ZFHX3: variants seen among roughly 807,000 people sequenced by gnomAD.
ZFHX3 encodes the protein zinc finger homeobox protein 3.
ZFHX3 carries 42 observed loss-of-function variants against 279.1 expected under a neutral mutation model. The observed-to-expected ratio is 0.15, with a 90% CI of 0.12 to 0.19. The LOEUF is 0.19. ZFHX3 is among the 10% of genes least tolerant of loss of function. The probability of loss-of-function intolerance (pLI) is 1.00; values close to 1 mark genes in which losing one functional copy is unlikely to be tolerated. For missense variants in ZFHX3, 4,981 were observed against 4,754.0 expected (o/e 1.05, Z -1.40); for synonymous variants, 2,293 against 1,957.8 (o/e 1.17, Z -4.52).
intron 6 of ZFHX3, among the ~76,000 whole-genome samples, chr16:73,132,912 C>T (rs1248795005): frequency 1.3e-5 from 2 of 152,180 alleles, no homozygotes; most frequent in East Asian, 1.9e-4. Context: ...TTCTCCTGGT[C>T]GGTTTGGCCG....
chr16:73,404,047 A>T (rs1036428427), intron 3 of ZFHX3, among the ~76,000 whole-genome samples: 3 of 152,170 alleles, frequency 2.0e-5, no homozygotes, highest in African/African-American at 7.2e-5. Flanking sequence ...AAAAGCACTG[A>T]GGAAAAAAAC....
intron 1 of ZFHX3, among the ~76,000 whole-genome samples, chr16:73,751,869 C>T (rs1365749502): frequency 6.6e-6 from 1 of 152,150 alleles, no homozygotes; most frequent in East Asian, 1.9e-4. Context: ...TGATAATTTA[C>T]AGCAATTGGA....
chr16:73,803,727 T>G (rs1461593068), intron 1 of ZFHX3, among the ~76,000 whole-genome samples: 1 of 152,276 alleles, frequency 6.6e-6, no homozygotes, highest in Non-Finnish European at 1.5e-5. Flanking sequence ...AAAGATGTTC[T>G]TTATACGTTA....
chr16:72,925,160 G>C (rs985374734), intron 3 of ZFHX3, among the ~76,000 whole-genome samples: 4 of 152,204 alleles, frequency 2.6e-5, no homozygotes, highest in Non-Finnish European at 4.4e-5. Flanking sequence ...GAGCAAGCTG[G>C]AATGTGGAGT....
intron 7 of ZFHX3, among the ~76,000 whole-genome samples, chr16:72,811,137 G>A (rs1179498912): frequency 1.3e-5 from 2 of 152,092 alleles, no homozygotes; most frequent in African/African-American, 2.4e-5. Flanking sequence ...CCCCCACCAC[G>A]GCCTCCCAAA....
At chr16:73,613,224 C>A (rs527249168) in intron 2 of ZFHX3, among the ~76,000 whole-genome samples, 2 of 152,322 alleles carry the variant, frequency 1.3e-5, no homozygotes, top group African/African-American at 4.8e-5. Context: ...CTGGACCCGC[C>A]AGAGCTGCAT....
At chr16:73,889,881 A>G (rs1310951414) in intron 1 of ZFHX3, among the ~76,000 whole-genome samples, 2 of 152,226 alleles carry the variant, frequency 1.3e-5, no homozygotes, top group Non-Finnish European at 2.9e-5. Flanking sequence ...GAATAAAATT[A>G]TCCAATTAGG....
chr16:73,010,351 G>C (rs137992811), intron 1 of ZFHX3, among the ~76,000 whole-genome samples: 1 of 152,164 alleles, frequency 6.6e-6, no homozygotes, highest in East Asian at 1.9e-4. Flanking sequence ...AGCCACTGCC[G>C]CTAAAACAAA....
chr16:73,526,538 T>C (rs1023145191), intron 2 of ZFHX3, among the ~76,000 whole-genome samples: 30 of 152,210 alleles, frequency 2.0e-4, no homozygotes, highest in Non-Finnish European at 4.4e-5. Context: ...ATATTCAAAA[T>C]GACCCAGGCC....
At chr16:73,543,403 G>A (rs2020051630) in intron 2 of ZFHX3, among the ~76,000 whole-genome samples, 1 of 152,204 alleles carries the variant, frequency 6.6e-6, no homozygotes, top group African/African-American at 2.4e-5. Flanking sequence ...AATTGGAGCT[G>A]TGCATCTCGG....
intron 3 of ZFHX3, among the ~76,000 whole-genome samples, chr16:72,949,272 C>T (rs374883322): frequency 3.7e-4 from 56 of 152,268 alleles, no homozygotes; most frequent in African/African-American, 1.3e-3. Context: ...CAGCAGAAAC[C>T]AAACACTCGT....
At chr16:73,576,819 C>A (rs959622209) in intron 2 of ZFHX3, among the ~76,000 whole-genome samples, 1 of 152,000 alleles carries the variant, frequency 6.6e-6, no homozygotes, top group African/African-American at 2.4e-5. Context: ...ATTTCGTCAC[C>A]CAGGTACTAA....
intron 1 of ZFHX3, among the ~76,000 whole-genome samples, chr16:73,045,205 T>C (rs1965250212): frequency 6.6e-6 from 1 of 152,186 alleles, no homozygotes; most frequent in Non-Finnish European, 1.5e-5. Flanking sequence ...TAAGGACATG[T>C]TTCCTGGATG....
intron 2 of ZFHX3, chr16:73,499,383 G>A (rs762367957): frequency 1.3e-5 from 2 of 152,244 alleles, no homozygotes; most frequent in African/African-American, 2.4e-5. Context: ...ACAAGCTGCC[G>A]CTCTGCATTT....
chr16:73,540,584 T>G (rs1165604908), intron 2 of ZFHX3, among the ~76,000 whole-genome samples: 2 of 152,186 alleles, frequency 1.3e-5, no homozygotes, highest in Admixed American at 6.5e-5. Context: ...ATGCTGAAAA[T>G]TCCATTCCCT....
At chr16:73,346,723 C>T (rs12930965) in intron 3 of ZFHX3, among the ~76,000 whole-genome samples, 53,813 of 152,010 alleles carry the variant, frequency 0.35, 11,094 homozygotes, top group Non-Finnish European at 0.47. Flanking sequence ...CTGCCCACCT[C>T]GGCCTCCCAA....
chr16:73,832,946 G>A (rs1384139752), intron 1 of ZFHX3, among the ~76,000 whole-genome samples: 2 of 152,102 alleles, frequency 1.3e-5, no homozygotes, highest in African/African-American at 4.8e-5. Context: ...GTCAAATTTA[G>A]TATTTTGTTT....
intron 1 of ZFHX3, among the ~76,000 whole-genome samples, chr16:73,718,685 G>A (rs1443766881): frequency 1.3e-5 from 2 of 150,856 alleles, no homozygotes; most frequent in African/African-American, 4.9e-5. Flanking sequence ...GCACAATCTC[G>A]GCTCACTGCA....
At chr16:73,265,046 C>T (rs1206153589) in intron 4 of ZFHX3, among the ~76,000 whole-genome samples, 2 of 142,878 alleles carry the variant, frequency 1.4e-5, no homozygotes, top group African/African-American at 5.3e-5. Context: ...CACCTCAGCG[C>T]ATATATATAA....
Sources: allele counts gnomAD v4.1 joint callset (sites outside exome capture counted in the v4.1 genomes callset), GRCh38; gene constraint gnomAD v4.1.1; transcripts MANE v1.5; gene names NCBI Gene and HGNC (gene_info 2026-07-23, HGNC 2026-07-21).